Variants in PRKG1 observed in about 807,000 individuals in gnomAD.
PRKG1 encodes cGMP-dependent protein kinase 1.
In PRKG1, 35 loss-of-function variants were observed where a neutral mutation model predicts 88.1. That is an observed-to-expected ratio of 0.40 (90% CI 0.30 to 0.53). PRKG1 has a LOEUF of 0.53. Among genes scored for constraint, PRKG1 ranks in the 20% least tolerant of loss-of-function variants. PRKG1 has a pLI of 0.59. For synonymous variants in PRKG1, 303 were observed against 292.5 expected (o/e 1.04, Z -0.37); for missense variants, 540 against 839.8 (o/e 0.64, Z 4.41).
intron 3 of PRKG1, among the ~76,000 whole-genome samples, chr10:51,542,159 C>T (rs1023871209): frequency 2.0e-5 from 3 of 151,816 alleles, no homozygotes; most frequent in Non-Finnish European, 4.4e-5. Context: ...GAGCATTTTC[C>T]CCACTAAGCC....
chr10:51,470,078 A>G (rs1342616290), intron 3 of PRKG1, among the ~76,000 whole-genome samples: 1 of 151,794 alleles, frequency 6.6e-6, no homozygotes, highest in Non-Finnish European at 1.5e-5. Context: ...TTAAACCTTC[A>G]GGCTGGATAT....
chr10:52,002,035 T>G (rs1216766910), intron 5 of PRKG1, among the ~76,000 whole-genome samples: 1 of 152,046 alleles, frequency 6.6e-6, no homozygotes, highest in Non-Finnish European at 1.5e-5. Context: ...CTAATAACTA[T>G]CAGTGAGATC....
At chr10:51,483,461 T>C (rs993625525) in intron 3 of PRKG1, among the ~76,000 whole-genome samples, 4 of 152,186 alleles carry the variant, frequency 2.6e-5, no homozygotes, top group Non-Finnish European at 5.9e-5. Flanking sequence ...TTCCTCCTCC[T>C]TTTTTCTAGT....
At chr10:51,003,732 C>T (rs1379291792) in intron 1 of PRKG1, among the ~76,000 whole-genome samples, 2 of 152,144 alleles carry the variant, frequency 1.3e-5, no homozygotes, top group African/African-American at 2.4e-5. Context: ...TTAAACTTTC[C>T]GTATGTTTCC....
chr10:50,998,032 T>A (rs1842852972), intron 1 of PRKG1, among the ~76,000 whole-genome samples: 1 of 152,200 alleles, frequency 6.6e-6, no homozygotes, highest in Non-Finnish European at 1.5e-5. Flanking sequence ...AGGTCTGTTA[T>A]TATAAGTAGA....
intron 3 of PRKG1, among the ~76,000 whole-genome samples, chr10:51,639,900 A>G (rs775217948): frequency 7.2e-5 from 11 of 152,134 alleles, no homozygotes; most frequent in Non-Finnish European, 1.5e-4. Flanking sequence ...ATTCAAGAGT[A>G]TTGCTTTCCT....
At chr10:51,960,332 T>C (rs1481389741) in intron 5 of PRKG1, among the ~76,000 whole-genome samples, 1 of 152,106 alleles carries the variant, frequency 6.6e-6, no homozygotes, top group Non-Finnish European at 1.5e-5. Context: ...ACTGGGTTAG[T>C]TTAACAGACT....
chr10:51,156,064 T>C (rs560544802), intron 2 of PRKG1, among the ~76,000 whole-genome samples: 24 of 152,018 alleles, frequency 1.6e-4, no homozygotes, highest in Non-Finnish European at 2.9e-4. Flanking sequence ...AAGGTCATAC[T>C]TCCACCTAAC....
rs545879655 is a variant in PRKG1, at chr10:52,177,412, T to C, written c.1076+15449T>C. Among the ~76,000 whole-genome samples the C allele has an allele frequency of 1.2e-4, 19 of 152,262 alleles. No individual in the cohort carries two copies. The South Asian group carries it at 3.9e-3, about 32-fold the overall frequency. ...TGTTGGATTCAGTTTGCTACACTTT[T>C]ATTGAAGATGTTTATGTCTATGTTC... On this transcript the variant is annotated intron_variant, in intron 9 of 17. Transcript: ENST00000373980.
intron 1 of PRKG1, among the ~76,000 whole-genome samples, chr10:51,120,196 TAAC>T (rs1248895638): frequency 3.9e-5 from 6 of 152,120 alleles, no homozygotes; most frequent in African/African-American, 1.4e-4. Context: ...CCATTATAAA[TAAC>T]AAAGTGTGCT....
chr10:51,481,160 A>T (rs945737047), intron 3 of PRKG1, among the ~76,000 whole-genome samples: 7 of 151,858 alleles, frequency 4.6e-5, no homozygotes, highest in Non-Finnish European at 1.0e-4. Flanking sequence ...GCATGAGGCT[A>T]TTTTACTCTT....
In PRKG1 at chr10:51,162,642, T is replaced by G. The variant is rs1965230695; in HGVS notation, c.478+9312T>G. 2.0e-5 allele frequency among the ~76,000 whole-genome samples: 3 copies of G among 152,212 alleles called. No individual in the cohort carries two copies. The South Asian group carries it at 6.2e-4, about 31-fold the overall frequency. On this transcript the variant is annotated intron_variant, in intron 2 of 17. Transcript: ENST00000373980. ...ATTCATCCAACTTTACTGAAGTGGA[T>G]TTTTTTCCTTGTATCACAAAACACC...
intron 3 of PRKG1, among the ~76,000 whole-genome samples, chr10:51,787,240 A>T (rs751051407): frequency 5.9e-5 from 9 of 152,124 alleles, no homozygotes; most frequent in Admixed American, 2.6e-4. Context: ...CCCTATGAAA[A>T]TTGTCAAATT....
At chr10:51,773,842 T>C (rs1173666175) in intron 3 of PRKG1, among the ~76,000 whole-genome samples, 1 of 152,074 alleles carries the variant, frequency 6.6e-6, no homozygotes, top group Admixed American at 6.6e-5. Flanking sequence ...ACACAGCTGG[T>C]GTGATGCAGA....
At chr10:52,175,584 G>A (rs1838841820) in intron 9 of PRKG1, among the ~76,000 whole-genome samples, 1 of 151,990 alleles carries the variant, frequency 6.6e-6, no homozygotes, top group East Asian at 1.9e-4. Flanking sequence ...GTTCTCCATA[G>A]TGGATATTCT....
chr10:51,520,451 C>A (rs1479745289), intron 3 of PRKG1, among the ~76,000 whole-genome samples: 11 of 151,650 alleles, frequency 7.3e-5, no homozygotes, highest in Non-Finnish European at 8.8e-5. Context: ...ATGGGAGAAA[C>A]AATCACTACG....
chr10:51,459,695 G>A (rs182943362), intron 2 of PRKG1, among the ~76,000 whole-genome samples: 1 of 152,126 alleles, frequency 6.6e-6, no homozygotes, highest in African/African-American at 2.4e-5. Flanking sequence ...TCAGTCAATG[G>A]TGGAGCCAGG....
chr10:51,880,474 T>G (rs934564728), intron 4 of PRKG1, among the ~76,000 whole-genome samples: 20 of 152,276 alleles, frequency 1.3e-4, no homozygotes, highest in Non-Finnish European at 2.6e-4. Flanking sequence ...AATTGCCAGG[T>G]CCCCATTTTT....
At chr10:51,758,850 C>A (rs1265602581) in intron 3 of PRKG1, among the ~76,000 whole-genome samples, 1 of 146,752 alleles carries the variant, frequency 6.8e-6, no homozygotes, top group African/African-American at 2.5e-5. Context: ...TCCTCTTCCC[C>A]CCCACCCCCC....
Sources: allele counts gnomAD v4.1 joint callset (sites outside exome capture counted in the v4.1 genomes callset), GRCh38; gene constraint gnomAD v4.1.1; transcripts MANE v1.5; gene names NCBI Gene and HGNC (gene_info 2026-07-23, HGNC 2026-07-21).